The following LPCAT2 variants were observed in gnomAD, a reference collection of about 807,000 sequenced individuals.
LPCAT2 encodes lysophosphatidylcholine acyltransferase 2.
Under a neutral mutation model 64.7 loss-of-function variants are expected in LPCAT2, and 58 were observed. That is an observed-to-expected ratio of 0.90 (90% CI 0.73 to 1.12). LPCAT2 has a LOEUF of 1.12. Among genes scored for constraint, LPCAT2 ranks in the 50% most tolerant of loss-of-function variants. LPCAT2 has a pLI of 0.00. For missense variants in LPCAT2, 579 were observed against 669.8 expected, an observed-to-expected ratio of 0.86 and a Z score of 1.50; for synonymous variants, 252 against 245.3, an observed-to-expected ratio of 1.03 and a Z score of -0.26.
chr16:55,509,991 C>CTTTTT lies in LPCAT2; in HGVS notation c.171+652_171+656dup, dbSNP rs57496150. ...TACGGGAGAGTAGATTTGAAGAAGTCTTTTTTTTTTTTTTTTTGCCTTAGG... is the reference window on the plus strand; with the variant it reads ...TACGGGAGAGTAGATTTGAAGAAGTCTTTTTTTTTTTTTTTTTTTTTTGCCTTAGG... On this transcript the variant is annotated intron_variant, in intron 1 of 13. Transcript: ENST00000262134. 6.7e-4 allele frequency among the ~76,000 whole-genome samples: 69 copies of CTTTTT among 102,538 alleles called. 2 individuals carry two copies. Among genetic ancestry groups the CTTTTT allele is most frequent in the Non-Finnish European group, 6.5e-4 (34 of 52,388 alleles). The allele number at this position is 102,538 out of a possible 152,430, so 67.3% of individuals were successfully genotyped here. A position where few individuals can be genotyped will look rare whatever the true frequency, so the allele number is the denominator to read the frequency against.
chr16:55,576,599 A>G (rs1420370074), intron 12 of LPCAT2, among the ~76,000 whole-genome samples: 1 of 151,978 alleles, frequency 6.6e-6, no homozygotes, highest in Non-Finnish European at 1.5e-5. Flanking sequence ...GCAAACTCCA[A>G]CTCTGTTCAT....
rs758009336 is a variant in LPCAT2 at position 55,528,480 on chromosome 16, C to T, written c.415C>T (p.Pro139Ser). The T allele has an allele frequency of 5.6e-6, 9 of 1,613,840 alleles. No individual in the cohort carries two copies. The highest frequency in any genetic ancestry group is 7.6e-6 in the Non-Finnish European group (9 of 1,179,926). The change falls in exon 3 of 14, where the codon CCA (proline) becomes TCA (serine). Residue 139 changes from proline to serine, a missense_variant. By Grantham distance (74) the Pro-to-Ser change is moderately conservative. Transcript: ENST00000262134. ...KGKIASPLEA[P>S]VFVAAPHSTF... ...AAAGATTGCAAGTCCTTTGGAAGCACCAGTTTTTGTTGCTGCCCCTCATTC... is the reference window on the plus strand; with the variant it reads ...AAAGATTGCAAGTCCTTTGGAAGCATCAGTTTTTGTTGCTGCCCCTCATTC...
rs1963911163 is a variant in LPCAT2, at chr16:55,583,528, C to T, written c.*430C>T. 6.5e-6 allele frequency: 1 copy of T among 153,462 alleles called. No homozygotes were observed. Among genetic ancestry groups the T allele is most frequent in the Admixed American group, 6.4e-5 (1 of 15,512 alleles). 9.5% of individuals were successfully genotyped at this position (153,462 alleles called of 1,614,324 possible). ...CACTTGGGAAATAACAATGAAGAAT[C>T]TGAGAATTTGACATCTATAACTTTA... On this transcript the variant is annotated 3_prime_UTR_variant, in exon 14 of 14. Transcript: ENST00000262134.
At chr16:55,578,229 T>C (rs1339241047) in intron 12 of LPCAT2, among the ~76,000 whole-genome samples, 3 of 152,180 alleles carry the variant, frequency 2.0e-5, no homozygotes, top group African/African-American at 7.2e-5. Context: ...AACATAACCA[T>C]AGTTTCCATT....
chr16:55,528,225 C>T (rs1963199459), intron 2 of LPCAT2, 152 bp from the exon 3 acceptor site: 2 of 621,058 alleles, frequency 3.2e-6, no homozygotes, highest in South Asian at 2.0e-5. Context: ...GCAGAAACAG[C>T]TCCATGTAAG....
chr16:55,573,828 C>G lies in LPCAT2; in HGVS notation c.1216-803C>G, dbSNP rs114323878. ...CTCTTCCTTCAGTCCTCCCTACTTTCTACCTTATCTCTCTCTCTCTTTCTT... is the reference window on the plus strand; with the variant it reads ...CTCTTCCTTCAGTCCTCCCTACTTTGTACCTTATCTCTCTCTCTCTTTCTT... On this transcript the variant is annotated intron_variant, in intron 11 of 13. Coordinates refer to ENST00000262134, the MANE Select transcript of LPCAT2 (RefSeq NM_017839.5). 9.1e-3 allele frequency among the ~76,000 whole-genome samples: 1,377 copies of G among 151,974 alleles called. 17 individuals carry two copies. Among genetic ancestry groups the G allele is most frequent in the African/African-American group, 0.031 (1,268 of 41,418 alleles).
chr16:55,579,502 A>G (rs1289389042), intron 13 of LPCAT2, among the ~76,000 whole-genome samples: 4 of 152,164 alleles, frequency 2.6e-5, no homozygotes, highest in African/African-American at 9.6e-5. Flanking sequence ...TCTAATCGGT[A>G]TTCTTAATTA....
At position 55,567,087 on chromosome 16, in the gene LPCAT2, C is replaced by T. The variant is rs1430590202; in HGVS notation, c.1216-7544C>T. 6.2e-7 allele frequency: 1 copy of T among 1,613,798 alleles called. No individual in the cohort carries two copies. Among genetic ancestry groups the T allele is most frequent in the South Asian group, 1.1e-5 (1 of 91,078 alleles). ...TATTCTCAACAAAGTCCTTTCTAAG[C>T]ACAAAGATCTTAAGACTGACGGTTT... On this transcript the variant is annotated intron_variant, in intron 11 of 13. Coordinates refer to ENST00000262134, the MANE Select transcript of LPCAT2 (RefSeq NM_017839.5).
chr16:55,541,852 T>A (rs529868092), intron 8 of LPCAT2: 432 of 1,287,196 alleles, frequency 3.4e-4, no homozygotes, highest in Non-Finnish European at 4.3e-4. Flanking sequence ...TTCTGTTCTT[T>A]TGGGAAGGAA....
At chr16:55,552,836 G>C (rs1452694307) in intron 11 of LPCAT2, among the ~76,000 whole-genome samples, 4 of 150,142 alleles carry the variant, frequency 2.7e-5, no homozygotes, top group Non-Finnish European at 5.9e-5. Flanking sequence ...GATGTGTGCT[G>C]ACTCATCAGG....
At position 55,583,255 on chromosome 16, in the gene LPCAT2, C is replaced by T; in HGVS notation, c.*157C>T. ...TTCTTACTAAAAATGTTTTTATTAA[C>T]CTTGCTTTTATTGGAAAAAATCAAG... is the stretch of plus-strand genomic sequence containing the variant. On this transcript the variant is annotated 3_prime_UTR_variant, in exon 14 of 14. Transcript: ENST00000262134. 1 of 636,998 alleles carries T rather than the reference C, an allele frequency of 1.6e-6. No individual in the cohort carries two copies. The allele number at this position is 636,998 out of a possible 1,614,324, so 39.5% of individuals were successfully genotyped here. A position where few individuals can be genotyped will look rare whatever the true frequency, so the allele number is the denominator to read the frequency against.
chr16:55,579,292 C>T (rs1963864372), intron 13 of LPCAT2, 48 bp downstream of exon 13: 1 of 1,586,390 alleles, frequency 6.3e-7, no homozygotes, highest in East Asian at 2.2e-5. Flanking sequence ...GGAGGACATC[C>T]AGACTATGGA....
Position 55,564,256 on chromosome 16 carries a change from TAA to T in LPCAT2, c.1216-10374_1216-10373del, listed in dbSNP as rs1218922288. Among the ~76,000 whole-genome samples the T allele has an allele frequency of 9.2e-5, 14 of 152,002 alleles. No homozygotes were observed. The East Asian group carries it at 2.5e-3, about 27-fold the overall frequency. The stretch of plus-strand genomic sequence containing the variant: ...ATGTTTATGGATTAGAAGACAATAT[TAA>T]GAGTCAGTACTTCCCACAGTGATCT... On this transcript the variant is annotated intron_variant, in intron 11 of 13. Transcript: ENST00000262134.
At chr16:55,515,647 G>A (rs969407545) in intron 1 of LPCAT2, among the ~76,000 whole-genome samples, 10 of 152,000 alleles carry the variant, frequency 6.6e-5, no homozygotes, top group African/African-American at 2.4e-4. Context: ...TCTACATAAA[G>A]CAATAATTAT....
chr16:55,528,271 A>G (rs1236426151), intron 2 of LPCAT2, 106 bp from the exon 3 acceptor site: 9 of 789,824 alleles, frequency 1.1e-5, no homozygotes, highest in Admixed American at 2.7e-5. Context: ...ATATTTTCAT[A>G]TGAAATACTC....
intron 8 of LPCAT2, among the ~76,000 whole-genome samples, chr16:55,542,266 A>G (rs1963407254): frequency 6.6e-6 from 1 of 152,158 alleles, no homozygotes; most frequent in Non-Finnish European, 1.5e-5. Flanking sequence ...CCTGAGAAAC[A>G]TGTCGCTTAG....
intron 7 of LPCAT2, among the ~76,000 whole-genome samples, chr16:55,536,994 AT>A (rs1314544941): frequency 6.6e-6 from 1 of 151,892 alleles, no homozygotes; most frequent in African/African-American, 2.4e-5. Context: ...AGGCCCATTG[AT>A]TTTTTTTAAT....
rs149606528 is a variant in LPCAT2, at chr16:55,545,653, T to G, written c.853-82T>G. ...TAGAAAGGTAGATGATTCAATATAT[T>G]GATAATGTATAAATTAATTTACTTG... On this transcript the variant is annotated intron_variant, in intron 8 of 13. Coordinates refer to ENST00000262134, the MANE Select transcript of LPCAT2 (RefSeq NM_017839.5). The G allele has an allele frequency of 2.3e-4, 194 of 862,154 alleles. No homozygotes were observed. The East Asian group carries it at 4.6e-3, about 20-fold the overall frequency. The allele number at this position is 862,154 out of a possible 1,614,324, so 53.4% of individuals were successfully genotyped here. A position where few individuals can be genotyped will look rare whatever the true frequency, so the allele number is the denominator to read the frequency against.
chr16:55,531,294 T>A (rs1963249670), intron 4 of LPCAT2, among the ~76,000 whole-genome samples: 1 of 152,172 alleles, frequency 6.6e-6, no homozygotes, highest in African/African-American at 2.4e-5. Context: ...CATCAGAAAA[T>A]TAAGTTGCTA....
Sources: allele counts gnomAD v4.1 joint callset (sites outside exome capture counted in the v4.1 genomes callset), GRCh38; gene constraint gnomAD v4.1.1; transcripts MANE v1.5; gene names NCBI Gene and HGNC (gene_info 2026-07-23, HGNC 2026-07-21).